The following FBLN1 variants were observed in gnomAD, a reference collection of about 807,000 sequenced individuals.
FBLN1 encodes fibulin 1.
Under a neutral mutation model 89.7 loss-of-function variants are expected in FBLN1, and 34 were observed. That is an observed-to-expected ratio of 0.38 (90% CI 0.29 to 0.50). FBLN1 has a LOEUF of 0.50. FBLN1 is among the 20% of genes least tolerant of loss of function. The pLI is 0.92. For synonymous variants in FBLN1, 393 were observed against 391.3 expected (o/e 1.00, Z -0.05); for missense variants, 777 against 988.1 (o/e 0.79, Z 2.86).
Position 45,537,502 on chromosome 22 carries a change from C to A in FBLN1, c.922+2165C>A, listed in dbSNP as rs2088497551. On this transcript the variant is annotated intron_variant, in intron 8 of 16. Coordinates refer to ENST00000327858, the MANE Select transcript of FBLN1 (RefSeq NM_006486.3). The surrounding 1 kb of genome is among the most constrained non-coding windows in gnomAD (Gnocchi z 5.7). Reference sequence around the variant, plus strand: ...GGTGTGGTGGTGGGCACCTTGTAATCCCAGCTACTCAAGATGCTGAGGCAG... The same window carrying A: ...GGTGTGGTGGTGGGCACCTTGTAATACCAGCTACTCAAGATGCTGAGGCAG... 6.6e-6 allele frequency among the ~76,000 whole-genome samples: 1 copy of A among 152,092 alleles called. No homozygotes were observed. The highest frequency in any genetic ancestry group is 6.6e-5 in the Admixed American group (1 of 15,266).
chr22:45,573,680 CA>C (rs60082908), intron 14 of FBLN1, among the ~76,000 whole-genome samples: 83 of 58,954 alleles, frequency 1.4e-3, no homozygotes, highest in African/African-American at 2.5e-3. Context: ...GACTCTGTCT[CA>C]AAAAAAAAAA....
At chr22:45,535,675 A>G (rs767317122) in intron 8 of FBLN1, 2 of 296,264 alleles carry the variant, frequency 6.8e-6, no homozygotes, top group Non-Finnish European at 1.3e-5. Context: ...ATCTGGGTTT[A>G]GATTAAAGAG....
intron 2 of FBLN1, among the ~76,000 whole-genome samples, chr22:45,522,240 C>T (rs1350665508): frequency 6.6e-6 from 1 of 152,216 alleles, no homozygotes; most frequent in Non-Finnish European, 1.5e-5. Context: ...GACGCCTCAG[C>T]CTCCCAACAT....
chr22:45,555,248 C>CATAT (rs71779159), intron 14 of FBLN1, among the ~76,000 whole-genome samples: 3,327 of 135,020 alleles, frequency 0.025, 163 homozygotes, highest in African/African-American at 0.098. Flanking sequence ...ATGGAATATA[C>CATAT]ATATATATAT....
In FBLN1 at chr22:45,541,397, A is replaced by T. The variant is rs1412427477; in HGVS notation, c.1066+25A>T. 3.1e-6 allele frequency: 5 copies of T among 1,614,040 alleles called. No homozygotes were observed. The South Asian group carries it at 5.5e-5, about 18-fold the overall frequency. On this transcript the variant is annotated intron_variant, in intron 9 of 16. Transcript: ENST00000327858. ...GGTTGGTATTAAGAAAACAAATCTG[A>T]AATCCACTTTCCTGTCTGCTTCCAG...
chr22:45,577,426 G>A lies in FBLN1; in HGVS notation c.1972+318G>A, dbSNP rs2089007236. Among the ~76,000 whole-genome samples, 1 of 152,194 alleles carries A rather than the reference G, an allele frequency of 6.6e-6. No homozygotes were observed. The highest frequency in any genetic ancestry group is 2.1e-4 in the South Asian group (1 of 4,822). The stretch of plus-strand genomic sequence containing the variant: ...CGCCTCACAACCATGAATTTCAAAT[G>A]ATACCACCCAAGTAAAGTGCTTGTC... On this transcript the variant is annotated intron_variant, in intron 16 of 16. Coordinates refer to ENST00000327858, the MANE Select transcript of FBLN1 (RefSeq NM_006486.3). The surrounding 1 kb of genome is among the most constrained non-coding windows in gnomAD (Gnocchi z 6.6).
rs540056203 is a variant in FBLN1 at position 45,578,897 on chromosome 22, T to C, written c.1972+1789T>C. ...GGGCTAAGCCTTGCAGATACAGAGA[T>C]GGATAAATGCCACATAGCCCCTGAG... On this transcript the variant is annotated intron_variant, in intron 16 of 16. Coordinates refer to ENST00000327858, the MANE Select transcript of FBLN1 (RefSeq NM_006486.3). The surrounding 1 kb of genome is among the most constrained non-coding windows in gnomAD (Gnocchi z 4.6). 6.6e-6 allele frequency among the ~76,000 whole-genome samples: 1 copy of C among 152,232 alleles called. No individual in the cohort carries two copies. The highest frequency in any genetic ancestry group is 2.4e-5 in the African/African-American group (1 of 41,462).
Position 45,562,358 on chromosome 22 carries a change from C to CA in FBLN1, c.1697+11744dup, listed in dbSNP as rs1419075714. Among the ~76,000 whole-genome samples, 1 of 152,236 alleles carries CA rather than the reference C, an allele frequency of 6.6e-6. No individual in the cohort carries two copies. The highest frequency in any genetic ancestry group is 2.4e-5 in the African/African-American group (1 of 41,470). On this transcript the variant is annotated intron_variant, in intron 14 of 16. Coordinates refer to ENST00000327858, the MANE Select transcript of FBLN1 (RefSeq NM_006486.3). This position sits in a 1 kb window ranked among gnomAD's most constrained non-coding sequence, Gnocchi z 7.8. Reference sequence around the variant, plus strand: ...GTGACCTTGGGAAGTGGGAAGGCCACATTCTCTCTGAGCCTCAGTGTCCTC... The same window carrying CA: ...GTGACCTTGGGAAGTGGGAAGGCCACAATTCTCTCTGAGCCTCAGTGTCCTC...
rs2089123413 is a variant in FBLN1, at chr22:45,590,127, T to C, written c.1973-10180T>C. Among the ~76,000 whole-genome samples the C allele has an allele frequency of 6.6e-6, 1 of 152,206 alleles. No homozygotes were observed. ...GCCACCCACAGCAAGTGCTCTGTGC[T>C]TGTCAGATAGAGAAGAGAGGGCTCT... On this transcript the variant is annotated intron_variant, in intron 16 of 16. Transcript: ENST00000327858. This position sits in a 1 kb window ranked among gnomAD's most constrained non-coding sequence, Gnocchi z 4.1.
At chr22:45,524,681 A>G (rs563478066) in intron 2 of FBLN1, among the ~76,000 whole-genome samples, 64 of 152,296 alleles carry the variant, frequency 4.2e-4, no homozygotes, top group African/African-American at 1.5e-3. Flanking sequence ...CAGCAGGAAC[A>G]TTGTGCGGGT....
chr22:45,516,867 G>C (rs4823222), intron 1 of FBLN1, among the ~76,000 whole-genome samples: 44,731 of 152,160 alleles, frequency 0.29, 7,370 homozygotes, highest in East Asian at 0.55. Context: ...GTCACTGGGG[G>C]ACATGGTTCT....
chr22:45,527,196 G>A (rs2088340687), intron 3 of FBLN1, among the ~76,000 whole-genome samples: 1 of 152,280 alleles, frequency 6.6e-6, no homozygotes, highest in African/African-American at 2.4e-5. Flanking sequence ...AAAGACTGAA[G>A]CAGGGCTTTT....
At chr22:45,547,385 G>A (rs1328137194) in intron 12 of FBLN1, among the ~76,000 whole-genome samples, 181 bp downstream of exon 12, 1 of 125,288 alleles carries the variant, frequency 8.0e-6, no homozygotes, top group African/African-American at 2.8e-5. Flanking sequence ...CTCCAACTGA[G>A]GTTTTTTTTT....
At position 45,572,722 on chromosome 22, in the gene FBLN1, T is replaced by C. The variant is rs1442759606; in HGVS notation, c.1698-1789T>C. On this transcript the variant is annotated intron_variant, in intron 14 of 16. Transcript: ENST00000327858. The surrounding 1 kb of genome is among the most constrained non-coding windows in gnomAD (Gnocchi z 5.8). ...CAGAGACAGCCAGTCACTGTGTGGCTCTCACTGAAGACACACTACCACCTA... is the reference window on the plus strand; with the variant it reads ...CAGAGACAGCCAGTCACTGTGTGGCCCTCACTGAAGACACACTACCACCTA... 6.6e-6 allele frequency among the ~76,000 whole-genome samples: 1 copy of C among 152,190 alleles called. No individual in the cohort carries two copies. The highest frequency in any genetic ancestry group is 1.5e-5 in the Non-Finnish European group (1 of 68,034).
At position 45,531,529 on chromosome 22, in the gene FBLN1, AAAAC is replaced by A. The variant is rs998684162; in HGVS notation, c.544+217_544+220del. Among the ~76,000 whole-genome samples, 9 of 152,302 alleles carry A rather than the reference AAAAC, an allele frequency of 5.9e-5. No individual in the cohort carries two copies. In the South Asian group the frequency reaches 6.2e-4, roughly 11 times the overall value. On this transcript the variant is annotated intron_variant, in intron 5 of 16. Transcript: ENST00000327858. This position sits in a 1 kb window ranked among gnomAD's most constrained non-coding sequence, Gnocchi z 4.9. ...AGCTGGACCCCGTCTCAAAAACAAA[AAAAC>A]AAACAAACAAAAAGCAAAACCAAGG...
chr22:45,596,449 C>T (rs1439672756), intron 16 of FBLN1, among the ~76,000 whole-genome samples: 1 of 152,162 alleles, frequency 6.6e-6, no homozygotes, highest in African/African-American at 2.4e-5. Flanking sequence ...GTAGCATGCG[C>T]AGACCCTCTG....
At chr22:45,504,481 A>G (rs774724011) in intron 1 of FBLN1, among the ~76,000 whole-genome samples, 4 of 151,878 alleles carry the variant, frequency 2.6e-5, no homozygotes, top group Non-Finnish European at 5.9e-5. Flanking sequence ...TCCAGCAAGC[A>G]GCAGGCCGGG....
At chr22:45,521,142 T>C (rs2088245208) in intron 2 of FBLN1, among the ~76,000 whole-genome samples, 1 of 152,170 alleles carries the variant, frequency 6.6e-6, no homozygotes, top group Admixed American at 6.6e-5. Context: ...TTAATCTCCA[T>C]TGAGTCCCAG....
At chr22:45,582,207 A>AT (rs2089048157) in intron 16 of FBLN1, among the ~76,000 whole-genome samples, 1 of 151,444 alleles carries the variant, frequency 6.6e-6, no homozygotes, top group East Asian at 1.9e-4. Context: ...AGCCCTGATT[A>AT]TTTTTTCTGG....
Sources: allele counts gnomAD v4.1 joint callset (sites outside exome capture counted in the v4.1 genomes callset), GRCh38; gene constraint gnomAD v4.1.1; non-coding constraint Gnocchi (gnomAD v3.1); transcripts MANE v1.5; gene names NCBI Gene and HGNC (gene_info 2026-07-23, HGNC 2026-07-21).